Variants in GLUD1 observed in about 807,000 individuals in gnomAD.
GLUD1 encodes the protein glutamate dehydrogenase 1.
Under a neutral mutation model 56.0 loss-of-function variants are expected in GLUD1, and 22 were observed. That is an observed-to-expected ratio of 0.39 (90% confidence interval 0.28 to 0.56). The LOEUF (loss-of-function observed/expected upper bound fraction) is 0.56, where lower values mean the gene tolerates loss of function less well. Ranked by LOEUF, GLUD1 falls within the 20% of genes least tolerant of loss-of-function variation. GLUD1 has a pLI of 0.58. For synonymous variants in GLUD1, 223 were observed against 269.9 expected, an observed-to-expected ratio of 0.83 and a Z score of 1.70; for missense variants, 451 against 732.0, an observed-to-expected ratio of 0.62 and a Z score of 4.43.
In GLUD1 at chr10:87,051,829, G is replaced by T; in HGVS notation, c.1599C>A (p.Asp533Glu). The change falls in exon 13 of 13, where the codon GAC becomes GAA. Residue 533 changes from aspartate to glutamate, a missense_variant. This residue lies in a region of GLUD1 where 43 missense variants were observed against 61.6 expected (regional missense o/e 0.70). Transcript: ENST00000277865. ...CATTAACATAGGCAGCTGTTCTCAG[G>T]TCCAATCCCAGGTTATACTTCATGG... The part of the protein sequence containing the change: ...RTAMKYNLGL[D>E]LRTAAYVNAI... 6.2e-7 allele frequency: 1 copy of T among 1,613,944 alleles called. No homozygotes were observed. Among genetic ancestry groups the T allele is most frequent in the Non-Finnish European group, 8.5e-7 (1 of 1,179,916 alleles).
intron 1 of GLUD1, among the ~76,000 whole-genome samples, chr10:87,092,050 A>C (rs142614020): frequency 6.6e-6 from 1 of 152,208 alleles, no homozygotes; most frequent in South Asian, 2.1e-4. Context: ...AAAGGTTAAC[A>C]ATTTCTTAGA....
At position 87,060,702 on chromosome 10, in the gene GLUD1, T is replaced by C; in HGVS notation, c.1183A>G (p.Arg395Gly). Residue 395 changes from arginine to glycine, a missense_variant, in exon 8 of 13, where the codon AGA becomes GGA. This residue lies in a region of GLUD1 where 248 missense variants were observed against 460.0 expected (regional missense o/e 0.54). Coordinates refer to ENST00000277865, the MANE Select transcript of GLUD1 (RefSeq NM_005271.5). ...EKQLTKSNAP[R>G]VKAKIIAEGA... ...AATGTTGTCACCTTGGCTTTGACTC[T>C]GGGTGCGTTGGATTTGGTCAACTGC... 6.2e-7 allele frequency: 1 copy of C among 1,614,186 alleles called. No individual in the cohort carries two copies. The highest frequency in any genetic ancestry group is 1.7e-4 in the Middle Eastern group (1 of 6,060).
At chr10:87,088,091 A>C (rs1564565338) in intron 1 of GLUD1, among the ~76,000 whole-genome samples, 1 of 150,514 alleles carries the variant, frequency 6.6e-6, no homozygotes, top group Admixed American at 6.6e-5. Flanking sequence ...CAAAAAAAAA[A>C]CAAACAAAAA....
Position 87,094,308 on chromosome 10 carries a change from GC to G in GLUD1, c.445+16del. 6.3e-7 allele frequency: 1 copy of G among 1,591,282 alleles called. No individual in the cohort carries two copies. ...GGGGAGGCAGGGAGGGCGGGACGGG[GC>G]CCGGCCGACGCTCACCTCCCTTGCA... On this transcript the variant is annotated intron_variant, in intron 1 of 12. Coordinates refer to ENST00000277865, the MANE Select transcript of GLUD1 (RefSeq NM_005271.5). The surrounding 1 kb of genome is among the most constrained non-coding windows in gnomAD (Gnocchi z 6.6).
chr10:87,053,548 TATC>T, intron 11 of GLUD1, 144 bp from the exon 12 acceptor site: 1 of 696,144 alleles, frequency 1.4e-6, no homozygotes, highest in South Asian at 1.5e-5. Context: ...TTCTGCACAG[TATC>T]AAAGATACAG....
At chr10:87,058,571 G>A (rs887849290) in intron 10 of GLUD1, among the ~76,000 whole-genome samples, 3 of 152,132 alleles carry the variant, frequency 2.0e-5, no homozygotes, top group African/African-American at 4.8e-5. Flanking sequence ...AATTAGTATC[G>A]ACAGTGGAGT....
intron 1 of GLUD1, among the ~76,000 whole-genome samples, chr10:87,078,067 T>C (rs1263580573): frequency 6.6e-6 from 1 of 152,226 alleles, no homozygotes; most frequent in African/African-American, 2.4e-5. Context: ...ATATTGATAA[T>C]GTTTTAAGAT....
intron 2 of GLUD1, among the ~76,000 whole-genome samples, 153 bp downstream of exon 2, chr10:87,076,423 G>C (rs547748731): frequency 6.6e-6 from 1 of 151,574 alleles, no homozygotes; most frequent in African/African-American, 2.4e-5. Flanking sequence ...TCTTAATTTA[G>C]ACTAATTGAA....
At chr10:87,066,065 A>G (rs998192000) in intron 5 of GLUD1, among the ~76,000 whole-genome samples, 2 of 151,998 alleles carry the variant, frequency 1.3e-5, no homozygotes. Flanking sequence ...CACTACCTCT[A>G]CCAGCCTGCA....
intron 4 of GLUD1, among the ~76,000 whole-genome samples, chr10:87,069,899 A>G (rs1369227355): frequency 1.3e-5 from 2 of 152,166 alleles, no homozygotes; most frequent in Non-Finnish European, 2.9e-5. Flanking sequence ...TGTGAAGTCT[A>G]ATCCCCACTG....
chr10:87,085,519 T>G (rs747036010), intron 1 of GLUD1, among the ~76,000 whole-genome samples: 3 of 152,088 alleles, frequency 2.0e-5, no homozygotes, highest in Admixed American at 6.5e-5. Flanking sequence ...GGGAAGCAAA[T>G]GTTTAGCTGA....
rs1405051719 is a variant in GLUD1 at position 87,077,303 on chromosome 10, G to A, written c.446-647C>T. 2.6e-5 allele frequency among the ~76,000 whole-genome samples: 4 copies of A among 152,090 alleles called. No homozygotes were observed. The East Asian group carries it at 5.8e-4, about 22-fold the overall frequency. On this transcript the variant is annotated intron_variant, in intron 1 of 12. Coordinates refer to ENST00000277865, the MANE Select transcript of GLUD1 (RefSeq NM_005271.5). ...TGGGATTACAGGCATGAGCCACTAT[G>A]CCTGGCAAGAATTCTGCTTTCTGAT...
At chr10:87,053,271 C>G in intron 12 of GLUD1, 71 bp downstream of exon 12, 1 of 954,174 alleles carries the variant, frequency 1.0e-6, no homozygotes, top group Non-Finnish European at 1.7e-6. Flanking sequence ...TACAGTCTGG[C>G]GGCTGAGATA....
At chr10:87,076,113 T>A (rs1325653743) in intron 2 of GLUD1, 90 bp from the exon 3 acceptor site, 1 of 887,938 alleles carries the variant, frequency 1.1e-6, no homozygotes, top group African/African-American at 1.6e-5. Context: ...AGAAACGTGA[T>A]GCTTTAAGCT....
At chr10:87,074,415 T>A in intron 4 of GLUD1, 136 bp downstream of exon 4, 1 of 672,714 alleles carries the variant, frequency 1.5e-6, no homozygotes, top group Non-Finnish European at 2.7e-6. Context: ...ACAAGAGAAT[T>A]GCTTGAACCC....
chr10:87,087,129 G>A (rs1169854748), intron 1 of GLUD1, among the ~76,000 whole-genome samples: 1 of 152,128 alleles, frequency 6.6e-6, no homozygotes, highest in Non-Finnish European at 1.5e-5. Context: ...CCCTCCTCAG[G>A]TTCAATAATG....
chr10:87,091,913 G>A (rs1841518234), intron 1 of GLUD1, among the ~76,000 whole-genome samples: 1 of 151,628 alleles, frequency 6.6e-6, no homozygotes, highest in African/African-American at 2.4e-5. Flanking sequence ...AGTGGGGAGA[G>A]GTAAGAAGAA....
intron 11 of GLUD1, among the ~76,000 whole-genome samples, chr10:87,056,115 C>CA (rs201114912): frequency 0.2 from 12,681 of 62,004 alleles, 1,918 homozygotes; most frequent in Non-Finnish European, 0.27. Context: ...GACTCTGTCT[C>CA]AAAAAAAAAA....
intron 9 of GLUD1, 129 bp from the exon 10 acceptor site, chr10:87,059,402 G>T: frequency 2.2e-6 from 2 of 908,330 alleles, no homozygotes; most frequent in Non-Finnish European, 3.6e-6. Flanking sequence ...ATTTTAGCCA[G>T]TATCAGGAAT....
Sources: gnomAD v4.1 joint callset for allele counts (sites outside exome capture counted in the v4.1 genomes callset) on GRCh38, gnomAD v4.1.1 for gene constraint, gnomAD v4.1.1 regional missense constraint, Gnocchi (gnomAD v3.1) non-coding constraint, MANE v1.5 for transcripts, NCBI Gene and HGNC (gene_info 2026-07-23, HGNC 2026-07-21) for gene names.